Variants in CALN1 observed in about 807,000 individuals in gnomAD.
The protein encoded by CALN1 is calcium-binding protein 8.
Under a neutral mutation model 30.6 loss-of-function variants are expected in CALN1, and 17 were observed. The observed-to-expected ratio is 0.56, with a 90% CI of 0.38 to 0.83. The LOEUF (loss-of-function observed/expected upper bound fraction) is 0.83, where lower values mean the gene tolerates loss of function less well. Among genes scored for constraint, CALN1 ranks in the 40% least tolerant of loss-of-function variants. The pLI, the probability that CALN1 is intolerant of heterozygous loss-of-function variation, is 0.00. For missense variants in CALN1, 291 were observed against 354.9 expected, an observed-to-expected ratio of 0.82 and a Z score of 1.45; for synonymous variants, 156 against 131.4, an observed-to-expected ratio of 1.19 and a Z score of -1.28.
chr7:72,044,364 CCT>C (rs150646859), intron 4 of CALN1, among the ~76,000 whole-genome samples: 2,605 of 152,144 alleles, frequency 0.017, 129 homozygotes, highest in East Asian at 0.15. Flanking sequence ...CCACCTCACC[CCT>C]GTCTTCTTTT....
intron 6 of CALN1, among the ~76,000 whole-genome samples, chr7:71,803,172 T>C (rs1787406506): frequency 1.3e-5 from 2 of 152,204 alleles, no homozygotes; most frequent in South Asian, 4.1e-4. Flanking sequence ...AAAGTTCTAA[T>C]ACTATGTAAT....
upstream of CALN1, among the ~76,000 whole-genome samples, chr7:72,451,155 A>G (rs1808647435): frequency 6.7e-6 from 1 of 148,574 alleles, no homozygotes; most frequent in East Asian, 2.0e-4. Flanking sequence ...GAAGGAGAAG[A>G]AGGAGAAGGA....
chr7:72,295,171 A>T (rs111287668), intron 2 of CALN1, among the ~76,000 whole-genome samples: 17 of 152,332 alleles, frequency 1.1e-4, no homozygotes, highest in African/African-American at 2.4e-4. Context: ...AAATTTTTTT[A>T]AAATAAAATA....
At chr7:72,296,984 G>A (rs931142701) in intron 2 of CALN1, among the ~76,000 whole-genome samples, 3 of 151,572 alleles carry the variant, frequency 2.0e-5, no homozygotes, top group African/African-American at 7.3e-5. Context: ...GAATGTGTTT[G>A]CTCTTGCTTT....
At chr7:72,260,049 T>C (rs1314716022) in intron 3 of CALN1, among the ~76,000 whole-genome samples, 1 of 152,154 alleles carries the variant, frequency 6.6e-6, no homozygotes, top group African/African-American at 2.4e-5. Context: ...CTGGACAACA[T>C]AGTGAGATAC....
intron 2 of CALN1, among the ~76,000 whole-genome samples, chr7:72,399,098 T>C (rs562249622): frequency 2.6e-5 from 4 of 152,144 alleles, no homozygotes; most frequent in Admixed American, 2.6e-4. Flanking sequence ...CTCCTCCAGA[T>C]GCATTGAGAA....
At chr7:72,409,908 T>G (rs778947089) in intron 1 of CALN1, among the ~76,000 whole-genome samples, 1 of 152,200 alleles carries the variant, frequency 6.6e-6, no homozygotes, top group Admixed American at 6.5e-5. Flanking sequence ...GAGGGCCACA[T>G]TATAATCAGT....
chr7:72,110,030 T>A (rs533981624), intron 3 of CALN1, among the ~76,000 whole-genome samples: 2 of 152,330 alleles, frequency 1.3e-5, no homozygotes, highest in East Asian at 3.9e-4. Flanking sequence ...GTCTTGCTCT[T>A]AGTTCTCCGG....
chr7:72,173,602 A>G (rs1384519689), intron 3 of CALN1, among the ~76,000 whole-genome samples: 5 of 152,192 alleles, frequency 3.3e-5, no homozygotes, highest in Admixed American at 3.3e-4. Flanking sequence ...AGATAACTGA[A>G]CAGAATACAG....
chr7:72,344,429 C>T (rs17674025), intron 2 of CALN1, among the ~76,000 whole-genome samples: 55,829 of 151,516 alleles, frequency 0.37, 11,145 homozygotes, highest in Admixed American at 0.45. Flanking sequence ...GGCAAAATAA[C>T]ATGTATGGTG....
At chr7:72,124,888 C>A (rs1198089972) in intron 3 of CALN1, among the ~76,000 whole-genome samples, 1 of 151,568 alleles carries the variant, frequency 6.6e-6, no homozygotes, top group Admixed American at 6.6e-5. Flanking sequence ...AGATTTTCCC[C>A]AAAAGGAAAA....
At chr7:72,271,412 TATA>T (rs1336853236) in intron 3 of CALN1, among the ~76,000 whole-genome samples, 5 of 151,566 alleles carry the variant, frequency 3.3e-5, no homozygotes, top group African/African-American at 9.7e-5. Flanking sequence ...CATTCTTTCT[TATA>T]ATATTTCTTT....
At chr7:72,196,648 A>C (rs973347148) in intron 3 of CALN1, among the ~76,000 whole-genome samples, 4 of 152,222 alleles carry the variant, frequency 2.6e-5, no homozygotes, top group African/African-American at 9.6e-5. Context: ...GCACACTGGG[A>C]GATAGGCCCA....
At chr7:72,358,290 G>C (rs971484423) in intron 2 of CALN1, among the ~76,000 whole-genome samples, 1 of 151,888 alleles carries the variant, frequency 6.6e-6, no homozygotes, top group African/African-American at 2.4e-5. Flanking sequence ...CCACTACCAC[G>C]CCTAGCCTTG....
intron 5 of CALN1, among the ~76,000 whole-genome samples, chr7:71,949,803 C>A (rs1168680744): frequency 6.6e-6 from 1 of 151,890 alleles, no homozygotes; most frequent in Non-Finnish European, 1.5e-5. Flanking sequence ...GCTTTGTCGC[C>A]CAGGCTGGAG....
chr7:72,170,608 A>C (rs1007341507), intron 3 of CALN1, among the ~76,000 whole-genome samples: 1 of 152,198 alleles, frequency 6.6e-6, no homozygotes, highest in Non-Finnish European at 1.5e-5. Flanking sequence ...GCACGCACAT[A>C]AAGAGAGTCC....
At chr7:71,891,957 T>A (rs549121536) in intron 5 of CALN1, among the ~76,000 whole-genome samples, 6,127 of 101,870 alleles carry the variant, frequency 0.06, 375 homozygotes, top group African/African-American at 0.19. Context: ...AATAAATAAA[T>A]AAAAAAAAAA....
chr7:72,034,365 A>G (rs1202121645), intron 4 of CALN1, among the ~76,000 whole-genome samples: 2 of 151,080 alleles, frequency 1.3e-5, no homozygotes, highest in African/African-American at 4.9e-5. Context: ...AAAAAAAAAA[A>G]AAAAAGAAAA....
chr7:71,787,711 A>G lies in CALN1; in HGVS notation c.*64T>C. On this transcript the variant is annotated 3_prime_UTR_variant, in exon 7 of 7. Coordinates refer to ENST00000395275, the MANE Select transcript of CALN1 (RefSeq NM_031468.4). ...GTCCGTGTCTGCTGTGTGGAGGAAG[A>G]GTCTGCCCGCACGGCATGCACATGC... The G allele has an allele frequency of 1.9e-6, 3 of 1,594,290 alleles. No individual in the cohort carries two copies. The highest frequency in any genetic ancestry group is 2.1e-4 in the Middle Eastern group (1 of 4,790).
Sources: allele counts gnomAD v4.1 joint callset (sites outside exome capture counted in the v4.1 genomes callset), GRCh38; gene constraint gnomAD v4.1.1; transcripts MANE v1.5; gene names NCBI Gene and HGNC (gene_info 2026-07-23, HGNC 2026-07-21).